THADA: variants seen among roughly 807,000 people sequenced by gnomAD.
The protein encoded by THADA is tRNA (32-2'-O)-methyltransferase regulator THADA.
In THADA, 213 loss-of-function variants were observed where a neutral mutation model predicts 219.8. The observed-to-expected ratio is 0.97, with a 90% confidence interval of 0.87 to 1.09. The LOEUF is 1.09. THADA is among the 50% of genes least tolerant of loss of function. The pLI, the probability that THADA is intolerant of heterozygous loss-of-function variation, is 0.00. For synonymous variants in THADA, 1,018 were observed against 828.9 expected, an observed-to-expected ratio of 1.23 and a Z score of -3.92; for missense variants, 2,956 against 2,311.3, an observed-to-expected ratio of 1.28 and a Z score of -5.72.
At chr2:43,354,567 T>C (rs1049677109) in intron 29 of THADA, among the ~76,000 whole-genome samples, 2 of 152,150 alleles carry the variant, frequency 1.3e-5, no homozygotes, top group African/African-American at 2.4e-5. Flanking sequence ...ATGAGTTCAA[T>C]TGTTTTAATT....
chr2:43,592,122 A>G, intron 2 of THADA, 76 bp from the exon 3 acceptor site: 1 of 1,258,526 alleles, frequency 7.9e-7, no homozygotes, highest in Non-Finnish European at 1.1e-6. Flanking sequence ...GCATTCTACA[A>G]AATTTTTTAA....
chr2:43,392,382 A>C (rs931310564), intron 29 of THADA, among the ~76,000 whole-genome samples: 1 of 152,146 alleles, frequency 6.6e-6, no homozygotes, highest in Non-Finnish European at 1.5e-5. Context: ...ACTCCAGTAG[A>C]GTTGACACTT....
At chr2:43,396,731 A>G (rs1170412472) in intron 29 of THADA, among the ~76,000 whole-genome samples, 1 of 152,080 alleles carries the variant, frequency 6.6e-6, no homozygotes, top group Non-Finnish European at 1.5e-5. Context: ...GAATGGCTTG[A>G]ACGCAGGAGG....
rs1389114909 is a variant in THADA, at chr2:43,280,745, C to T, written c.5165-849G>A. 3.3e-5 allele frequency among the ~76,000 whole-genome samples: 5 copies of T among 152,180 alleles called. 1 individual carries two copies. Among genetic ancestry groups the T allele is most frequent in the Admixed American group, 1.3e-4 (2 of 15,276 alleles). On this transcript the variant is annotated intron_variant, in intron 35 of 37. Transcript: ENST00000405975. ...TGTAGGGGGTCCACTATCTGACTGC[C>T]ATTACTCCTGGACACTGATCTGTCT...
chr2:43,470,172 C>T (rs1200768510), intron 26 of THADA, among the ~76,000 whole-genome samples: 1 of 142,608 alleles, frequency 7.0e-6, no homozygotes, highest in African/African-American at 2.7e-5. Flanking sequence ...CGCCCCACTG[C>T]ACTTCACTCT....
Position 43,595,957 on chromosome 2 carries a change from G to A in THADA, c.-51C>T, listed in dbSNP as rs1367502161. On this transcript the variant is annotated 5_prime_UTR_variant, in exon 1 of 38. Coordinates refer to ENST00000405975, the MANE Select transcript of THADA (RefSeq NM_022065.5). ...TCGTGCACGTCGGCGTCTGAGAAGA[G>A]TCGCAGGCGCCTGGTCCAGTCCCGG... 1 of 152,340 alleles carries A rather than the reference G, an allele frequency of 6.6e-6. No homozygotes were observed. Among genetic ancestry groups the A allele is most frequent in the Non-Finnish European group, 1.5e-5 (1 of 68,050 alleles). The allele number at this position is 152,340 out of a possible 1,614,324, so 9.4% of individuals were successfully genotyped here.
At chr2:43,247,765 G>T (rs1367754669) in intron 36 of THADA, among the ~76,000 whole-genome samples, 1 of 150,222 alleles carries the variant, frequency 6.7e-6, no homozygotes, top group African/African-American at 2.5e-5. Context: ...GGGGGGTGCT[G>T]GGCATAGTGG....
At chr2:43,316,720 G>A (rs1182361632) in intron 31 of THADA, among the ~76,000 whole-genome samples, 2 of 152,270 alleles carry the variant, frequency 1.3e-5, no homozygotes, top group East Asian at 3.9e-4. Flanking sequence ...CTGAGGTTGG[G>A]AGTTCGAGAC....
At chr2:43,450,471 G>A (rs537011405) in intron 26 of THADA, among the ~76,000 whole-genome samples, 2 of 151,590 alleles carry the variant, frequency 1.3e-5, no homozygotes, top group Non-Finnish European at 2.9e-5. Context: ...GAAACCCATG[G>A]CAGCCACAAA....
chr2:43,534,124 A>G (rs6736912), intron 21 of THADA, among the ~76,000 whole-genome samples: 1 of 152,208 alleles, frequency 6.6e-6, no homozygotes, highest in Non-Finnish European at 1.5e-5. Context: ...ATTAAAATGC[A>G]CCTTGAAATA....
chr2:43,425,971 T>A (rs1013440933), intron 28 of THADA, among the ~76,000 whole-genome samples: 10 of 152,172 alleles, frequency 6.6e-5, no homozygotes, highest in African/African-American at 1.9e-4. Flanking sequence ...TTGGTGATGT[T>A]CTATGAATCT....
intron 28 of THADA, 27 bp downstream of exon 28, chr2:43,428,073 G>A: frequency 1.3e-6 from 2 of 1,530,538 alleles, no homozygotes; most frequent in Non-Finnish European, 1.8e-6. Context: ...CGCCAACCTA[G>A]ACAATTTCTA....
intron 7 of THADA, among the ~76,000 whole-genome samples, chr2:43,585,176 G>A (rs1035411841): frequency 2.0e-5 from 3 of 152,004 alleles, no homozygotes; most frequent in Middle Eastern, 3.4e-3. Context: ...CACTCAATAG[G>A]CGCAGACATT....
chr2:43,273,591 G>A (rs1672380570), intron 36 of THADA, among the ~76,000 whole-genome samples: 1 of 152,180 alleles, frequency 6.6e-6, no homozygotes, highest in South Asian at 2.1e-4. Flanking sequence ...GCCTGACTCT[G>A]TGATCTGGCA....
At chr2:43,430,610 G>A (rs1186301618) in intron 26 of THADA, 6 of 468,160 alleles carry the variant, frequency 1.3e-5, no homozygotes, top group Non-Finnish European at 2.1e-5. Context: ...TTCCACAACT[G>A]ATTTGGACTA....
chr2:43,468,495 G>A (rs1005658740), intron 26 of THADA, among the ~76,000 whole-genome samples: 1 of 151,964 alleles, frequency 6.6e-6, no homozygotes, highest in African/African-American at 2.4e-5. Flanking sequence ...TCCAATAAAG[G>A]GTCAGTAAAG....
At chr2:43,448,802 T>C (rs1681926973) in intron 26 of THADA, among the ~76,000 whole-genome samples, 1 of 151,916 alleles carries the variant, frequency 6.6e-6, no homozygotes, top group South Asian at 2.1e-4. Context: ...ACAACAAAAG[T>C]AAAATCAGAA....
intron 26 of THADA, among the ~76,000 whole-genome samples, chr2:43,482,217 A>C (rs1157871317): frequency 6.6e-6 from 1 of 152,206 alleles, no homozygotes; most frequent in Non-Finnish European, 1.5e-5. Context: ...TAAAAGCACA[A>C]GTGAAACTTC....
At chr2:43,318,579 T>C (rs1385832758) in intron 31 of THADA, among the ~76,000 whole-genome samples, 1 of 152,224 alleles carries the variant, frequency 6.6e-6, no homozygotes, top group Non-Finnish European at 1.5e-5. Context: ...CACATATGAC[T>C]AGTGGCTGCA....
Sources: gnomAD v4.1 joint callset for allele counts (sites outside exome capture counted in the v4.1 genomes callset) on GRCh38, gnomAD v4.1.1 for gene constraint, MANE v1.5 for transcripts, NCBI Gene and HGNC (gene_info 2026-07-23, HGNC 2026-07-21) for gene names.